BTAF1: variants seen among roughly 807,000 people sequenced by gnomAD.
The protein encoded by BTAF1 is TATA-binding protein-associated factor 172.
Under a neutral mutation model 227.1 loss-of-function variants are expected in BTAF1, and 38 were observed. That is an observed-to-expected ratio of 0.17 (90% CI 0.13 to 0.22). The LOEUF (loss-of-function observed/expected upper bound fraction) is 0.22, where lower values mean the gene tolerates loss of function less well. Among genes scored for constraint, BTAF1 ranks in the 10% least tolerant of loss-of-function variants. The pLI is 1.00. For missense variants in BTAF1, 1,598 were observed against 2,204.0 expected (o/e 0.73, Z 5.51); for synonymous variants, 742 against 751.9 (o/e 0.99, Z 0.21).
In BTAF1 at chr10:91,991,275, T is replaced by A. The variant is rs1446331508; in HGVS notation, c.2855-844T>A. 5.2e-4 allele frequency among the ~76,000 whole-genome samples: 54 copies of A among 104,038 alleles called. 10 individuals carry two copies. The highest frequency in any genetic ancestry group is 1.5e-3 in the East Asian group (5 of 3,364). 68.3% of individuals were successfully genotyped at this position (104,038 alleles called of 152,430 possible). ...AAATATATAAATATAAATATAAATA[T>A]ATATATATATATATATAAATTATCC... On this transcript the variant is annotated intron_variant, in intron 20 of 37. Transcript: ENST00000265990.
Position 91,949,572 on chromosome 10 carries a change from A to G in BTAF1, c.401-1831A>G, listed in dbSNP as rs147797277. ...TACTTTGGTGGAACTCAAAATTTCA[A>G]ACTCATTCTTCTTTGCTCTGGACAA... On this transcript the variant is annotated intron_variant, in intron 4 of 37. Transcript: ENST00000265990. Among the ~76,000 whole-genome samples, 758 of 152,260 alleles carry G rather than the reference A, an allele frequency of 5.0e-3. 9 individuals are homozygous for G. Among genetic ancestry groups the G allele is most frequent in the South Asian group, 0.023 (110 of 4,814 alleles).
chr10:91,952,286 G>A (rs1283547549), intron 5 of BTAF1, among the ~76,000 whole-genome samples: 1 of 152,078 alleles, frequency 6.6e-6, no homozygotes, highest in African/African-American at 2.4e-5. Flanking sequence ...GCTTCATGCT[G>A]TTTTGTTTTG....
At chr10:91,930,735 A>G (rs1398908642) in intron 1 of BTAF1, among the ~76,000 whole-genome samples, 3 of 152,218 alleles carry the variant, frequency 2.0e-5, no homozygotes, top group Admixed American at 1.3e-4. Context: ...AGTAATGGTC[A>G]TTATCTTTCC....
At chr10:92,003,885 G>A (rs1245127049) in intron 25 of BTAF1, among the ~76,000 whole-genome samples, 1 of 152,090 alleles carries the variant, frequency 6.6e-6, no homozygotes, top group African/African-American at 2.4e-5. Context: ...AAGGGTTCCT[G>A]TTTCTCCACA....
intron 1 of BTAF1, among the ~76,000 whole-genome samples, chr10:91,931,419 T>A (rs1844268807): frequency 6.6e-6 from 1 of 152,252 alleles, no homozygotes; most frequent in African/African-American, 2.4e-5. Flanking sequence ...ATCTGTTACC[T>A]GTGTCTCCTC....
At chr10:91,999,779 T>C (rs900963307) in intron 25 of BTAF1, among the ~76,000 whole-genome samples, 6 of 152,236 alleles carry the variant, frequency 3.9e-5, no homozygotes, top group South Asian at 2.1e-4. Flanking sequence ...TGTACTGTTA[T>C]ACTGCAAGAA....
chr10:91,985,252 G>A (rs1219474775), intron 19 of BTAF1, among the ~76,000 whole-genome samples: 2 of 152,084 alleles, frequency 1.3e-5, no homozygotes, highest in Middle Eastern at 3.4e-3. Flanking sequence ...GCTCTTTGGT[G>A]TAAGGATTTT....
At chr10:91,948,904 C>G (rs555468771) in intron 4 of BTAF1, among the ~76,000 whole-genome samples, 2 of 152,232 alleles carry the variant, frequency 1.3e-5, no homozygotes, top group South Asian at 4.2e-4. Context: ...AGCCACTGTA[C>G]CCAGTCTGGT....
intron 14 of BTAF1, among the ~76,000 whole-genome samples, chr10:91,979,326 G>C (rs1228628853): frequency 6.6e-6 from 1 of 152,010 alleles, no homozygotes; most frequent in Non-Finnish European, 1.5e-5. Flanking sequence ...TATTCCTTTA[G>C]GTATATACCC....
intron 14 of BTAF1, among the ~76,000 whole-genome samples, chr10:91,971,893 A>C (rs2133943688): frequency 6.6e-6 from 1 of 152,010 alleles, no homozygotes; most frequent in South Asian, 2.1e-4. Flanking sequence ...GCATTCATTT[A>C]TGTTTACACC....
At position 92,018,812 on chromosome 10, in the gene BTAF1, C is replaced by A; in HGVS notation, c.4740C>A (p.Asn1580Lys). The change falls in exon 34 of 38, where the codon AAC (asparagine) becomes AAA (lysine). Residue 1580 changes from asparagine (N) to lysine (K), a missense_variant. Around this residue, in one of 10 missense-constraint regions of BTAF1, gnomAD observed 205 missense variants for 244.5 expected, o/e 0.84. Transcript: ENST00000265990. Reference sequence around the variant, plus strand: ...TACAGTACTTACGTAAACTGTGCAACCATCCAGCATTAGTCTTAACACCTC... The same window carrying A: ...TACAGTACTTACGTAAACTGTGCAAACATCCAGCATTAGTCTTAACACCTC... Reference protein sequence around the residue: ...QALQYLRKLCNHPALVLTPQH... With the variant: ...QALQYLRKLCKHPALVLTPQH... The A allele has an allele frequency of 6.3e-7, 1 of 1,595,884 alleles. No individual in the cohort carries two copies. Among genetic ancestry groups the A allele is most frequent in the Non-Finnish European group, 8.5e-7 (1 of 1,174,544 alleles).
rs535358867 is a variant in BTAF1 at position 91,991,017 on chromosome 10, C to T, written c.2855-1102C>T. Among the ~76,000 whole-genome samples, 4 of 151,694 alleles carry T rather than the reference C, an allele frequency of 2.6e-5. No homozygotes were observed. The South Asian group carries it at 8.3e-4, about 32-fold the overall frequency. ...ATCCCAGCACTTTGGGAGGCCGAGG[C>T]GGGTGGATCACGAGGTCAGAAGTTC... On this transcript the variant is annotated intron_variant, in intron 20 of 37. Coordinates refer to ENST00000265990, the MANE Select transcript of BTAF1 (RefSeq NM_003972.3).
chr10:92,012,039 ATTCT>A (rs1421032680), intron 30 of BTAF1, among the ~76,000 whole-genome samples: 1 of 146,830 alleles, frequency 6.8e-6, no homozygotes, highest in Non-Finnish European at 1.5e-5. Context: ...AAAACTGATG[ATTCT>A]TTATGTACTT....
chr10:91,968,833 T>G (rs1847101021), intron 14 of BTAF1, among the ~76,000 whole-genome samples: 1 of 152,158 alleles, frequency 6.6e-6, no homozygotes, highest in Non-Finnish European at 1.5e-5. Flanking sequence ...CATCTACCTC[T>G]CATCTTCGGT....
chr10:91,939,690 G>A (rs899724552), intron 2 of BTAF1, among the ~76,000 whole-genome samples: 5 of 152,166 alleles, frequency 3.3e-5, no homozygotes, highest in African/African-American at 4.8e-5. Context: ...TGCCCACCTC[G>A]GTCTCCCAAA....
chr10:92,027,598 GCCCT>G (rs1250092878), intron 37 of BTAF1, among the ~76,000 whole-genome samples: 5 of 152,072 alleles, frequency 3.3e-5, no homozygotes, highest in Non-Finnish European at 7.4e-5. Context: ...AGAGTTCTTG[GCCCT>G]GCCTCCTGTT....
chr10:91,935,105 A>G (rs542094748), intron 1 of BTAF1: 1 of 152,228 alleles, frequency 6.6e-6, no homozygotes, highest in East Asian at 1.9e-4. Context: ...TATTTTTGCA[A>G]TTTTAGAAAA....
chr10:91,938,975 CAAA>C (rs58534811), intron 2 of BTAF1, among the ~76,000 whole-genome samples: 3 of 89,478 alleles, frequency 3.4e-5, no homozygotes, highest in African/African-American at 7.4e-5. Flanking sequence ...TCCATTTCTG[CAAA>C]AAAAAAAAAA....
At chr10:91,968,582 T>C (rs767313449) in intron 14 of BTAF1, among the ~76,000 whole-genome samples, 3 of 152,192 alleles carry the variant, frequency 2.0e-5, no homozygotes, top group Non-Finnish European at 4.4e-5. Context: ...CTGAATTGTA[T>C]GGTAAGGGTA....
Sources: allele counts gnomAD v4.1 joint callset (sites outside exome capture counted in the v4.1 genomes callset), GRCh38; gene constraint gnomAD v4.1.1; regional missense constraint gnomAD v4.1.1; transcripts MANE v1.5; gene names NCBI Gene and HGNC (gene_info 2026-07-23, HGNC 2026-07-21).